The following PTPRD variants were observed in gnomAD, a reference collection of about 807,000 sequenced individuals.
PTPRD encodes the protein receptor-type tyrosine-protein phosphatase delta.
A neutral mutation model predicts 214.5 loss-of-function variants in PTPRD; 34 were observed. That is an observed-to-expected ratio of 0.16 (90% CI 0.12 to 0.21). The LOEUF (loss-of-function observed/expected upper bound fraction) is 0.21. Ranked by LOEUF, PTPRD falls within the 10% of genes least tolerant of loss-of-function variation. The probability of loss-of-function intolerance (pLI) is 1.00; values close to 1 mark genes in which losing one functional copy is unlikely to be tolerated. For missense variants in PTPRD, 2,545 were observed against 2,398.7 expected, an observed-to-expected ratio of 1.06 and a Z score of -1.27; for synonymous variants, 1,128 against 845.7, an observed-to-expected ratio of 1.33 and a Z score of -5.79.
intron 12 of PTPRD, among the ~76,000 whole-genome samples, chr9:8,678,136 C>G (rs554951067): frequency 7.9e-4 from 121 of 152,210 alleles, no homozygotes; most frequent in African/African-American, 2.6e-3. Context: ...AAGTTTTGAA[C>G]GCATTAAACA....
intron 2 of PTPRD, among the ~76,000 whole-genome samples, chr9:10,364,971 G>C (rs1480879615): frequency 2.6e-5 from 4 of 152,160 alleles, no homozygotes; most frequent in Non-Finnish European, 5.9e-5. Context: ...AATAAGCGCT[G>C]TGCTGAATGA....
Position 10,454,321 on chromosome 9 carries a change from G to A in PTPRD, c.-599-113304C>T, listed in dbSNP as rs566823535. On this transcript the variant is annotated intron_variant, in intron 2 of 45. Transcript: ENST00000381196. ...TATTCCTCACCTAAATCCTTATACT[G>A]CTGATGACTTTGGAAAATAGTACAG... 2.6e-5 allele frequency among the ~76,000 whole-genome samples: 4 copies of A among 150,966 alleles called. No homozygotes were observed. The South Asian group carries it at 8.3e-4, about 31-fold the overall frequency.
intron 11 of PTPRD, among the ~76,000 whole-genome samples, chr9:8,968,317 A>C (rs971019247): frequency 6.6e-5 from 10 of 152,032 alleles, no homozygotes; most frequent in African/African-American, 2.4e-4. Context: ...CTAGGTCCTT[A>C]AGGAATTGCC....
chr9:9,076,438 G>T (rs1486692494), intron 10 of PTPRD, among the ~76,000 whole-genome samples: 1 of 151,726 alleles, frequency 6.6e-6, no homozygotes, highest in Non-Finnish European at 1.5e-5. Context: ...CGTCCCCTTT[G>T]CTCCCCTGTC....
intron 8 of PTPRD, among the ~76,000 whole-genome samples, chr9:9,553,554 G>C (rs1053843696): frequency 6.6e-6 from 1 of 151,876 alleles, no homozygotes; most frequent in Non-Finnish European, 1.5e-5. Flanking sequence ...CAAAGATCAT[G>C]CTCTTTCTAC....
intron 3 of PTPRD, among the ~76,000 whole-genome samples, chr9:10,156,030 T>C (rs2099090334): frequency 6.6e-6 from 1 of 151,764 alleles, no homozygotes; most frequent in African/African-American, 2.4e-5. Flanking sequence ...ACTCTTCTAT[T>C]ATGTTTTTCC....
rs939357579 is a variant in PTPRD at position 9,801,889 on chromosome 9, C to T, written c.-367-35038G>A. 3.3e-5 allele frequency among the ~76,000 whole-genome samples: 5 copies of T among 151,676 alleles called. 1 individual carries two copies. The highest frequency in any genetic ancestry group is 1.2e-4 in the African/African-American group (5 of 41,136). On this transcript the variant is annotated intron_variant, in intron 5 of 45. Transcript: ENST00000381196. ...CATGTTGGCACAAAACTCAGGCAAG[C>T]AGTGCTTACAATCAGAATACTATAA...
At chr9:10,301,164 C>G (rs750918923) in intron 3 of PTPRD, among the ~76,000 whole-genome samples, 3 of 152,108 alleles carry the variant, frequency 2.0e-5, no homozygotes, top group Non-Finnish European at 4.4e-5. Flanking sequence ...AGCAGACCTA[C>G]AGCAGAGGGG....
chr9:9,991,755 G>C (rs185866629), intron 4 of PTPRD, among the ~76,000 whole-genome samples: 43 of 151,914 alleles, frequency 2.8e-4, no homozygotes, highest in Non-Finnish European at 1.6e-4. Context: ...ATATTCACAA[G>C]ATGAATAGAA....
intron 8 of PTPRD, among the ~76,000 whole-genome samples, chr9:9,505,980 A>C (rs1023664950): frequency 2.6e-5 from 4 of 151,392 alleles, no homozygotes; most frequent in African/African-American, 9.7e-5. Context: ...TTGAGAGTAG[A>C]TAATCTCATA....
At chr9:10,498,496 C>A (rs969761221) in intron 2 of PTPRD, among the ~76,000 whole-genome samples, 1 of 149,442 alleles carries the variant, frequency 6.7e-6, no homozygotes, top group African/African-American at 2.6e-5. Context: ...TGGGTCAAAA[C>A]AGGTCACATC....
intron 12 of PTPRD, among the ~76,000 whole-genome samples, chr9:8,663,436 G>A (rs962340648): frequency 2.1e-5 from 3 of 145,812 alleles, no homozygotes; most frequent in African/African-American, 8.1e-5. Flanking sequence ...ATTTTGTTCT[G>A]CATGTGATTG....
At chr9:9,218,584 A>G (rs952991741) in intron 9 of PTPRD, among the ~76,000 whole-genome samples, 2 of 152,152 alleles carry the variant, frequency 1.3e-5, no homozygotes, top group African/African-American at 4.8e-5. Context: ...AGACAAATGA[A>G]AGCTAAGTCC....
At chr9:9,889,937 C>A (rs1022049223) in intron 5 of PTPRD, among the ~76,000 whole-genome samples, 1 of 151,898 alleles carries the variant, frequency 6.6e-6, no homozygotes, top group African/African-American at 2.4e-5. Context: ...TGAAGAACGG[C>A]AGAGGGTGAA....
At chr9:10,465,624 G>A (rs1296119777) in intron 2 of PTPRD, among the ~76,000 whole-genome samples, 2 of 152,098 alleles carry the variant, frequency 1.3e-5, no homozygotes, top group African/African-American at 4.8e-5. Context: ...CCTTTTCTGT[G>A]TTTAGATAGG....
chr9:10,591,442 G>C (rs1239385620), intron 2 of PTPRD, among the ~76,000 whole-genome samples: 1 of 152,038 alleles, frequency 6.6e-6, no homozygotes, highest in Non-Finnish European at 1.5e-5. Context: ...GTTTGCAGGA[G>C]ATGTGAACAC....
chr9:10,065,164 A>AAAGAAAGAAAGAAAGAAAGAAAG (rs2097853179), intron 3 of PTPRD, among the ~76,000 whole-genome samples: 1 of 150,494 alleles, frequency 6.6e-6, no homozygotes, highest in Non-Finnish European at 1.5e-5. Context: ...AGAAAGAAAG[A>AAAGAAAGAAAGAAAGAAAGAAAG]AAGAAAGAAA....
chr9:10,566,247 A>AT (rs2065572076), intron 2 of PTPRD, among the ~76,000 whole-genome samples: 1 of 151,848 alleles, frequency 6.6e-6, no homozygotes, highest in African/African-American at 2.4e-5. Flanking sequence ...ATATATGTAT[A>AT]TTTTTTGGTG....
intron 43 of PTPRD, among the ~76,000 whole-genome samples, chr9:8,332,374 ACATAGCATGAAC>A (rs958166819): frequency 5.9e-5 from 9 of 152,156 alleles, no homozygotes; most frequent in Non-Finnish European, 1.2e-4. Context: ...ATGGCAGGGG[ACATAGCATGAAC>A]CATATGACTG....
Sources: allele counts gnomAD v4.1 joint callset (sites outside exome capture counted in the v4.1 genomes callset), GRCh38; gene constraint gnomAD v4.1.1; transcripts MANE v1.5; gene names NCBI Gene and HGNC (gene_info 2026-07-23, HGNC 2026-07-21).